Variants in NBEAL1 observed in about 807,000 individuals in gnomAD.
NBEAL1 encodes the protein neurobeachin-like protein 1.
NBEAL1 carries 273 observed loss-of-function variants against 351.3 expected under a neutral mutation model. The ratio of observed to expected loss-of-function variants is 0.78; its 90% confidence interval spans 0.70 to 0.86. NBEAL1 has a LOEUF of 0.86. Ranked by LOEUF, NBEAL1 falls within the 40% of genes least tolerant of loss-of-function variation. The pLI, the probability that NBEAL1 is intolerant of heterozygous loss-of-function variation, is 0.00. For synonymous variants in NBEAL1, 1,050 were observed against 1,086.4 expected, an observed-to-expected ratio of 0.97 and a Z score of 0.66; for missense variants, 2,961 against 3,201.3, an observed-to-expected ratio of 0.92 and a Z score of 1.81.
intron 2 of NBEAL1, among the ~76,000 whole-genome samples, chr2:203,025,683 A>G (rs1434726478): frequency 6.6e-6 from 1 of 152,178 alleles, no homozygotes; most frequent in Non-Finnish European, 1.5e-5. Flanking sequence ...TCTGTGGTAT[A>G]TATAGATCCA....
In NBEAL1 at chr2:203,132,043, T is replaced by C; in HGVS notation, c.3635T>C (p.Val1212Ala). 6.4e-7 allele frequency: 1 copy of C among 1,554,758 alleles called. No homozygotes were observed. The highest frequency in any genetic ancestry group is 8.7e-7 in the Non-Finnish European group (1 of 1,147,712). ...AAACAACATATTCGACTCAGAGAAG[T>C]TGGCTACTCGGGACTGGGACTCCTT... is the stretch of plus-strand genomic sequence containing the variant. ...RSKQHIRLRE[V>A]GYSGLGLLLN... Residue 1212 changes from valine (V) to alanine (A), a missense_variant, in exon 26 of 56, where the codon GTT (valine) becomes GCT (alanine). Transcript: ENST00000683969.
chr2:203,024,733 A>G (rs527652653), intron 2 of NBEAL1, among the ~76,000 whole-genome samples: 4 of 151,980 alleles, frequency 2.6e-5, no homozygotes, highest in Non-Finnish European at 5.9e-5. Context: ...ATGGTGGTGC[A>G]GGCCTGTGGT....
At chr2:203,166,081 G>A (rs1030892982) in intron 36 of NBEAL1, 68 bp from the exon 37 acceptor site, 8 of 1,330,752 alleles carry the variant, frequency 6.0e-6, no homozygotes, top group African/African-American at 3.1e-5. Context: ...TTTAAATGTG[G>A]CATTCTTTTC....
intron 55 of NBEAL1, chr2:203,213,936 A>C: frequency 3.8e-6 from 1 of 265,150 alleles, no homozygotes; most frequent in Non-Finnish European, 5.8e-6. Flanking sequence ...TTAGATTTTC[A>C]ATACATAAGA....
At chr2:203,131,690 A>G (rs1267096040) in intron 25 of NBEAL1, among the ~76,000 whole-genome samples, 2 of 152,144 alleles carry the variant, frequency 1.3e-5, no homozygotes, top group African/African-American at 4.8e-5. Context: ...AAAAATTGCA[A>G]CCTCCGGCAT....
intron 7 of NBEAL1, among the ~76,000 whole-genome samples, chr2:203,071,562 A>G (rs999535046): frequency 6.6e-6 from 1 of 152,198 alleles, no homozygotes; most frequent in Admixed American, 6.5e-5. Context: ...TAACACATAC[A>G]GAATACATCC....
At chr2:203,048,481 G>A (rs1158540361) in intron 3 of NBEAL1, among the ~76,000 whole-genome samples, 1 of 152,108 alleles carries the variant, frequency 6.6e-6, no homozygotes, top group Non-Finnish European at 1.5e-5. Flanking sequence ...TTTTGATGGG[G>A]AGGGAGGGAG....
At chr2:203,128,915 A>G (rs1333802118) in intron 24 of NBEAL1, among the ~76,000 whole-genome samples, 1 of 152,066 alleles carries the variant, frequency 6.6e-6, no homozygotes, top group East Asian at 1.9e-4. Context: ...TAGATTTCTA[A>G]CCTAGGTTAA....
In NBEAL1 at chr2:203,138,223, G is replaced by C. The variant is rs764805662; in HGVS notation, c.4627G>C (p.Val1543Leu). The C allele has an allele frequency of 1.3e-5, 21 of 1,613,948 alleles. No homozygotes were observed. The highest frequency in any genetic ancestry group is 6.7e-5 in the Admixed American group (4 of 59,980). Residue 1543 changes from valine (V) to leucine (L), a missense_variant, in exon 30 of 56, where the codon GTA becomes CTA. By Grantham distance (32) the Val-to-Leu change is conservative. Coordinates refer to ENST00000683969, the MANE Select transcript of NBEAL1 (RefSeq NM_001378026.1). ...AAACAGAGAAGCAAAAACTAATCCA[G>C]TAACTGCTGAAAACGCCTTCCGACT... ...SENREAKTNPVTAENAFRLVL... is the reference protein window; with the variant it reads ...SENREAKTNPLTAENAFRLVL...
At position 203,145,110 on chromosome 2, in the gene NBEAL1, A is replaced by G; in HGVS notation, c.5254A>G (p.Asn1752Asp). 6.2e-7 allele frequency: 1 copy of G among 1,612,718 alleles called. No homozygotes were observed. The highest frequency in any genetic ancestry group is 1.7e-4 in the Middle Eastern group (1 of 6,054). ...WKDCYEALMVNMHKRDREGGE... is the reference protein window; with the variant it reads ...WKDCYEALMVDMHKRDREGGE... ...GGATTGTTATGAAGCTTTAATGGTA[A>G]ATATGCATAAACGAGACCGGGAAGG... The change falls in exon 33 of 56, where the codon AAT (asparagine) becomes GAT (aspartate). Residue 1752 changes from asparagine to aspartate, a missense_variant. By Grantham distance (23) the Asn-to-Asp change is conservative. Transcript: ENST00000683969.
intron 17 of NBEAL1, among the ~76,000 whole-genome samples, chr2:203,115,616 A>G (rs2062676510): frequency 6.8e-6 from 1 of 147,188 alleles, no homozygotes; most frequent in African/African-American, 2.5e-5. Flanking sequence ...TTTTTGTAGA[A>G]ATGGTGTCTC....
intron 47 of NBEAL1, among the ~76,000 whole-genome samples, chr2:203,194,705 T>A (rs1244672223): frequency 6.6e-6 from 1 of 152,162 alleles, no homozygotes; most frequent in East Asian, 1.9e-4. Flanking sequence ...TCTAAAAATA[T>A]AAAACCCATC....
Position 203,097,558 on chromosome 2 carries a change from T to C in NBEAL1, c.1110T>C (p.Asn370=). ...RLLQNCKLFL[N]ANNKVADKNE... is the part of the protein sequence containing the mutation. ...TCTGTTTTTAACAGCTATTTTTAAA[T>C]GCTAACAATAAGGTGGCAGACAAGA... The change falls in exon 11 of 56, where the codon AAT becomes AAC. Residue 370 remains asparagine, a synonymous_variant. Coordinates refer to ENST00000683969, the MANE Select transcript of NBEAL1 (RefSeq NM_001378026.1). 1.0e-6 allele frequency: 1 copy of C among 984,626 alleles called. No individual in the cohort carries two copies. The highest frequency in any genetic ancestry group is 1.2e-6 in the Non-Finnish European group (1 of 828,808). 61.0% of individuals were successfully genotyped at this position (984,626 alleles called of 1,614,324 possible).
rs2065911917 is a variant in NBEAL1, at chr2:203,217,699, G to A, written c.*345G>A. ...TACAGATAATGGGACAGTTGAGAGA[G>A]ATGGCTTTAAATACATTCTTAAGTA... On this transcript the variant is annotated 3_prime_UTR_variant, in exon 56 of 56. Transcript: ENST00000683969. The A allele has an allele frequency of 2.1e-6, 2 of 970,216 alleles. No homozygotes were observed. The highest frequency in any genetic ancestry group is 3.5e-5 in the African/African-American group (2 of 57,126). 60.1% of individuals were successfully genotyped at this position (970,216 alleles called of 1,614,324 possible). A position where few individuals can be genotyped will look rare whatever the true frequency, so the allele number is the denominator to read the frequency against.
chr2:203,178,655 A>G (rs2064600514), intron 42 of NBEAL1, among the ~76,000 whole-genome samples: 1 of 152,256 alleles, frequency 6.6e-6, no homozygotes, highest in African/African-American at 2.4e-5. Flanking sequence ...TAAGCCAGAT[A>G]CAAAAGGGCA....
At chr2:203,148,320 C>T (rs557166499) in intron 33 of NBEAL1, among the ~76,000 whole-genome samples, 3 of 152,004 alleles carry the variant, frequency 2.0e-5, no homozygotes, top group Admixed American at 1.3e-4. Flanking sequence ...AGAAAATTAG[C>T]TCAGAAAAGC....
Position 203,110,139 on chromosome 2 carries a change from A to C in NBEAL1, c.1950-11A>C, listed in dbSNP as rs899888796. The C allele has an allele frequency of 6.5e-7, 1 of 1,540,772 alleles. No individual in the cohort carries two copies. Among genetic ancestry groups the C allele is most frequent in the African/African-American group, 1.4e-5 (1 of 72,258 alleles). ...AACTTTAAAAGTTCTGATAATACGT[A>C]TTTTTTTTAGTTTTTTTACAGGAAG... On this transcript the variant is annotated splice_polypyrimidine_tract_variant and intron_variant, in intron 14 of 55. Coordinates refer to ENST00000683969, the MANE Select transcript of NBEAL1 (RefSeq NM_001378026.1).
intron 8 of NBEAL1, among the ~76,000 whole-genome samples, chr2:203,079,657 A>C (rs2061838098): frequency 6.6e-6 from 1 of 152,096 alleles, no homozygotes; most frequent in South Asian, 2.1e-4. Flanking sequence ...TGTTGTACCA[A>C]ATTACATATT....
rs115223011 is a variant in NBEAL1 at position 203,104,386 on chromosome 2, G to C, written c.1270-3034G>C. ...CCCTGCTTTTTTCCATTTTCCATTT[G>C]CTTGGTTGATTTTTCTCCATTCCTT... On this transcript the variant is annotated intron_variant, in intron 12 of 55. Transcript: ENST00000683969. Among the ~76,000 whole-genome samples, 1,349 of 152,104 alleles carry C rather than the reference G, an allele frequency of 8.9e-3. 15 individuals carry two copies. Among genetic ancestry groups the C allele is most frequent in the African/African-American group, 0.031 (1,268 of 41,460 alleles).
Sources: gnomAD v4.1 joint callset for allele counts (sites outside exome capture counted in the v4.1 genomes callset) on GRCh38, gnomAD v4.1.1 for gene constraint, MANE v1.5 for transcripts, NCBI Gene and HGNC (gene_info 2026-07-23, HGNC 2026-07-21) for gene names.